MSRA: variants seen among roughly 807,000 people sequenced by gnomAD.
MSRA encodes mitochondrial peptide methionine sulfoxide reductase.
MSRA carries 54 observed loss-of-function variants against 31.3 expected under a neutral mutation model. The observed-to-expected ratio is 1.73, with a 90% CI of 1.39 to 2.17. The LOEUF (loss-of-function observed/expected upper bound fraction) is 2.17, where lower values mean the gene tolerates loss of function less well. Ranked by LOEUF, MSRA falls within the 30% of genes most tolerant of loss-of-function variation. The pLI, the probability that MSRA is intolerant of heterozygous loss-of-function variation, is 0.00. For synonymous variants in MSRA, 169 were observed against 116.5 expected, an observed-to-expected ratio of 1.45 and a Z score of -2.90; for missense variants, 507 against 300.9, an observed-to-expected ratio of 1.69 and a Z score of -5.07.
At chr8:10,094,326 G>C (rs1799009714) in intron 1 of MSRA, among the ~76,000 whole-genome samples, 1 of 152,188 alleles carries the variant, frequency 6.6e-6, no homozygotes, top group South Asian at 2.1e-4. Flanking sequence ...TTGGACAGCT[G>C]TATATGGAAG....
At chr8:10,198,880 T>G (rs1276907353) in intron 1 of MSRA, among the ~76,000 whole-genome samples, 1 of 152,196 alleles carries the variant, frequency 6.6e-6, no homozygotes, top group Non-Finnish European at 1.5e-5. Context: ...TCAGACTGCT[T>G]TCCAATTAGA....
At chr8:10,393,254 T>G (rs1442443171) in intron 5 of MSRA, among the ~76,000 whole-genome samples, 1 of 152,148 alleles carries the variant, frequency 6.6e-6, no homozygotes, top group East Asian at 1.9e-4. Context: ...TCAGAGTGGA[T>G]GCGGTGCCAG....
chr8:10,293,167 G>A (rs965247149), intron 3 of MSRA, among the ~76,000 whole-genome samples: 5 of 152,156 alleles, frequency 3.3e-5, no homozygotes, highest in African/African-American at 1.2e-4. Flanking sequence ...GCTTTGCAGG[G>A]CACAGGACAC....
chr8:10,197,620 GA>G (rs1808108793), intron 1 of MSRA, among the ~76,000 whole-genome samples: 1 of 152,164 alleles, frequency 6.6e-6, no homozygotes, highest in African/African-American at 2.4e-5. Flanking sequence ...GGGTTTGGCT[GA>G]AATGCAGATC....
chr8:10,385,931 G>A (rs1041545071), intron 5 of MSRA, among the ~76,000 whole-genome samples: 5 of 152,086 alleles, frequency 3.3e-5, no homozygotes, highest in African/African-American at 7.2e-5. Flanking sequence ...GACAATACGC[G>A]ATCACAGACA....
At chr8:10,374,557 T>C (rs1805653846) in intron 5 of MSRA, among the ~76,000 whole-genome samples, 1 of 152,204 alleles carries the variant, frequency 6.6e-6, no homozygotes. Context: ...AGATAGTACA[T>C]GACAAGTGAA....
At chr8:10,067,369 A>G (rs1451744487) in intron 1 of MSRA, among the ~76,000 whole-genome samples, 5 of 152,192 alleles carry the variant, frequency 3.3e-5, no homozygotes, top group African/African-American at 4.8e-5. Context: ...TCTTTTTATT[A>G]TCAATAATAT....
intron 1 of MSRA, among the ~76,000 whole-genome samples, chr8:10,141,738 A>G (rs1371457138): frequency 6.6e-6 from 1 of 150,866 alleles, no homozygotes; most frequent in Non-Finnish European, 1.5e-5. Context: ...TTTTGTTTTA[A>G]TTTAGTTTGC....
At position 10,127,274 on chromosome 8, in the gene MSRA, C is replaced by T. The variant is rs748746891; in HGVS notation, c.142+72616C>T. On this transcript the variant is annotated intron_variant, in intron 1 of 5. Coordinates refer to ENST00000317173, the MANE Select transcript of MSRA (RefSeq NM_012331.5). ...TTATTTGTATCCTACTCAGGGTCAT[C>T]GCCAAGGTCTGTTTGCAAAAATTCA... 6.6e-5 allele frequency among the ~76,000 whole-genome samples: 10 copies of T among 152,156 alleles called. No homozygotes were observed. In the East Asian group the frequency reaches 7.7e-4, roughly 12 times the overall value.
At chr8:10,298,570 G>A (rs1374703420) in intron 3 of MSRA, among the ~76,000 whole-genome samples, 2 of 152,120 alleles carry the variant, frequency 1.3e-5, no homozygotes, top group Admixed American at 1.3e-4. Context: ...GCAAAACATT[G>A]TGAATGTACT....
chr8:10,220,439 T>C (rs1810389569), intron 2 of MSRA, among the ~76,000 whole-genome samples: 1 of 152,260 alleles, frequency 6.6e-6, no homozygotes, highest in African/African-American at 2.4e-5. Context: ...TTCAAAAATA[T>C]GCTTAGCATA....
At chr8:10,059,433 G>A (rs1179698472) in intron 1 of MSRA, among the ~76,000 whole-genome samples, 1 of 152,178 alleles carries the variant, frequency 6.6e-6, no homozygotes, top group Non-Finnish European at 1.5e-5. Flanking sequence ...TAGTGGAGCT[G>A]GGATATGAAC....
chr8:10,250,737 T>C (rs1797872993), intron 3 of MSRA: 4 of 473,394 alleles, frequency 8.4e-6, no homozygotes, highest in African/African-American at 7.7e-5. Context: ...ACCTAAAATA[T>C]TTACTGTCAG....
At chr8:10,190,794 G>T (rs1807441271) in intron 1 of MSRA, among the ~76,000 whole-genome samples, 1 of 152,204 alleles carries the variant, frequency 6.6e-6, no homozygotes, top group East Asian at 1.9e-4. Context: ...TTCAAGAAGG[G>T]TAGGAGACAT....
chr8:10,302,739 G>C (rs1252665894), intron 4 of MSRA, among the ~76,000 whole-genome samples: 2 of 152,232 alleles, frequency 1.3e-5, no homozygotes, highest in African/African-American at 4.8e-5. Context: ...GCGGCCTAGA[G>C]GTCTGGGCCT....
intron 4 of MSRA, among the ~76,000 whole-genome samples, chr8:10,317,460 G>C (rs896377759): frequency 6.6e-6 from 1 of 152,148 alleles, no homozygotes; most frequent in African/African-American, 2.4e-5. Flanking sequence ...TGCCGAGAGG[G>C]AGAGAAACCT....
chr8:10,293,487 A>G (rs17151609), intron 3 of MSRA, among the ~76,000 whole-genome samples: 13,246 of 152,206 alleles, frequency 0.087, 1,545 homozygotes, highest in African/African-American at 0.26. Context: ...TCTCCTCCAG[A>G]CATCTGCATC....
intron 2 of MSRA, among the ~76,000 whole-genome samples, chr8:10,242,117 C>G (rs1352581662): frequency 1.3e-5 from 2 of 152,148 alleles, no homozygotes; most frequent in East Asian, 1.9e-4. Flanking sequence ...ACTAAAAACA[C>G]AGAATTAGCC....
chr8:10,225,147 A>C (rs1167389423), intron 2 of MSRA, among the ~76,000 whole-genome samples: 1 of 152,186 alleles, frequency 6.6e-6, no homozygotes, highest in Non-Finnish European at 1.5e-5. Flanking sequence ...AAGAATAAAT[A>C]AATAAATACA....
Sources: allele counts gnomAD v4.1 joint callset (sites outside exome capture counted in the v4.1 genomes callset), GRCh38; gene constraint gnomAD v4.1.1; transcripts MANE v1.5; gene names NCBI Gene and HGNC (gene_info 2026-07-23, HGNC 2026-07-21).